PCDHGB6: variants seen among roughly 807,000 people sequenced by gnomAD.
The protein encoded by PCDHGB6 is protocadherin gamma subfamily B, 6.
Under a neutral mutation model 59.1 loss-of-function variants are expected in PCDHGB6, and 51 were observed. That is an observed-to-expected ratio of 0.86 (90% CI 0.69 to 1.09). The LOEUF is 1.09. Ranked by LOEUF, PCDHGB6 falls within the 50% of genes least tolerant of loss-of-function variation. The pLI is 0.00. For synonymous variants in PCDHGB6, 466 were observed against 495.1 expected (o/e 0.94, Z 0.78); for missense variants, 1,148 against 1,205.1 (o/e 0.95, Z 0.70).
rs1001412632 is a variant in PCDHGB6, at chr5:141,493,097, A to G, written c.2419-1710A>G. On this transcript the variant is annotated intron_variant, in intron 1 of 3. Transcript: ENST00000520790. The surrounding 1 kb of genome is among the most constrained non-coding windows in gnomAD (Gnocchi z 4.3). ...AACTCCAGGAGCTTTTATTCAAAAT[A>G]TATCAATGCCTAACTCTGCTCCTAG... Among the ~76,000 whole-genome samples, 1 of 152,224 alleles carries G rather than the reference A, an allele frequency of 6.6e-6. No homozygotes were observed. The highest frequency in any genetic ancestry group is 2.4e-5 in the African/African-American group (1 of 41,456).
In PCDHGB6 at chr5:141,485,770, T is replaced by A. The variant is rs1199757869; in HGVS notation, c.2419-9037T>A. The A allele has an allele frequency of 6.2e-7, 1 of 1,614,180 alleles. No homozygotes were observed. The highest frequency in any genetic ancestry group is 1.1e-5 in the South Asian group (1 of 91,080). On this transcript the variant is annotated intron_variant, in intron 1 of 3. Transcript: ENST00000520790. This position sits in a 1 kb window ranked among gnomAD's most constrained non-coding sequence, Gnocchi z 5.7. ...TCCCAGAGCTGCTCCTGGAGAAGCC[T>A]TTGGATCGAGAGAAGCAATCGGACT... is the stretch of plus-strand genomic sequence containing the variant.
chr5:141,472,324 G>A (rs1027842697), intron 1 of PCDHGB6, among the ~76,000 whole-genome samples: 2 of 150,650 alleles, frequency 1.3e-5, no homozygotes, highest in African/African-American at 2.4e-5. Flanking sequence ...GGCAGATCAC[G>A]AGGTTGGGAG....
chr5:141,409,139 GA>G lies in PCDHGB6; in HGVS notation c.940del (p.Arg314GlyfsTer20). The G allele has an allele frequency of 1.9e-6, 3 of 1,614,012 alleles. No homozygotes were observed. Among genetic ancestry groups the G allele is most frequent in the Non-Finnish European group, 2.5e-6 (3 of 1,179,896 alleles). On this transcript the variant is annotated frameshift_variant, in exon 1 of 4. Transcript: ENST00000520790. LOFTEE classifies it high-confidence loss of function. ...CCAGTCATTTGATTTTGAAGATGTA[GA>G]AAGGTACACCATGGAAGTGGAAGCG... The part of the protein sequence containing the change: ...NNQSFDFEDV[E>X]RYTMEVEAKD...
chr5:141,421,515 C>A, intron 1 of PCDHGB6: 3 of 1,614,080 alleles, frequency 1.9e-6, no homozygotes, highest in Non-Finnish European at 2.5e-6. Context: ...GGGAGGAGCT[C>A]TGTGAGACGG....
intron 1 of PCDHGB6, chr5:141,423,397 C>A: frequency 1.9e-6 from 3 of 1,614,146 alleles, no homozygotes; most frequent in Non-Finnish European, 2.5e-6. Context: ...GCATAAGTCA[C>A]GCCTGCTGCA....
chr5:141,413,272 C>T lies in PCDHGB6; in HGVS notation c.2418+2652C>T, dbSNP rs753942667. Reference sequence around the variant, plus strand: ...CGGGATTCCATGGGAGGCTGGAGCCCGGCAGATCTCCTACTCAATTCCTGA... The same window carrying T: ...CGGGATTCCATGGGAGGCTGGAGCCTGGCAGATCTCCTACTCAATTCCTGA... On this transcript the variant is annotated intron_variant, in intron 1 of 3. Coordinates refer to ENST00000520790, the MANE Select transcript of PCDHGB6 (RefSeq NM_018926.3). 8.1e-6 allele frequency: 13 copies of T among 1,613,944 alleles called. No individual in the cohort carries two copies. In the South Asian group the frequency reaches 1.4e-4, roughly 18 times the overall value.
At chr5:141,433,765 A>G (rs1389737053) in intron 1 of PCDHGB6, among the ~76,000 whole-genome samples, 1 of 148,692 alleles carries the variant, frequency 6.7e-6, no homozygotes, top group Non-Finnish European at 1.5e-5. Flanking sequence ...TTAACCTGGG[A>G]GGTGGAGGTT....
In PCDHGB6 at chr5:141,427,684, C is replaced by T. The variant is rs765112627; in HGVS notation, c.2418+17064C>T. 3.6e-6 allele frequency: 3 copies of T among 841,720 alleles called. No individual in the cohort carries two copies. In the Admixed American group the frequency reaches 5.8e-5, roughly 16 times the overall value. 52.1% of individuals were successfully genotyped at this position (841,720 alleles called of 1,614,324 possible). A position where few individuals can be genotyped will look rare whatever the true frequency, so the allele number is the denominator to read the frequency against. On this transcript the variant is annotated intron_variant, in intron 1 of 3. Transcript: ENST00000520790. The stretch of plus-strand genomic sequence containing the variant: ...GTGGCCGAAAACAACCTTCCCGGAG[C>T]CTCCATCCCACAAGTCAGCGCCTCT...
chr5:141,426,756 G>A, intron 1 of PCDHGB6: 1 of 456,302 alleles, frequency 2.2e-6, no homozygotes. Context: ...ATCTGCTATA[G>A]ATGCAGATGT....
intron 1 of PCDHGB6, chr5:141,424,572 T>C (rs1272121500): frequency 6.6e-6 from 1 of 152,238 alleles, no homozygotes; most frequent in East Asian, 1.9e-4. Context: ...CAAAAACCTA[T>C]TTTCAAATGT....
chr5:141,458,171 A>G (rs548935841), intron 1 of PCDHGB6, among the ~76,000 whole-genome samples: 74 of 152,336 alleles, frequency 4.9e-4, no homozygotes, highest in African/African-American at 1.6e-3. Flanking sequence ...TCACAGTAGT[A>G]TACCTTACTT....
intron 1 of PCDHGB6, among the ~76,000 whole-genome samples, chr5:141,484,092 G>A (rs1594371151): frequency 6.6e-6 from 1 of 152,102 alleles, no homozygotes; most frequent in African/African-American, 2.4e-5. Flanking sequence ...AATGGTCTTC[G>A]TTGGTAATTA....
intron 1 of PCDHGB6, chr5:141,419,094 G>A (rs1241481126): frequency 2.5e-6 from 4 of 1,613,776 alleles, no homozygotes; most frequent in South Asian, 1.1e-5. Flanking sequence ...GCCCTGGATC[G>A]GGAGCAGACC....
Position 141,511,983 on chromosome 5 carries a change from G to C in PCDHGB6, c.*810G>C, listed in dbSNP as rs904146751. On this transcript the variant is annotated 3_prime_UTR_variant, in exon 4 of 4. Coordinates refer to ENST00000520790, the MANE Select transcript of PCDHGB6 (RefSeq NM_018926.3). ...AGGGAAGTGTGTGGATGTGGATGGT[G>C]GGGGCATGGACAAAGCTTGACACAT... 6.5e-6 allele frequency: 1 copy of C among 153,280 alleles called. No individual in the cohort carries two copies. The allele number at this position is 153,280 out of a possible 1,614,324, so 9.5% of individuals were successfully genotyped here.
chr5:141,451,209 G>C (rs556588482), intron 1 of PCDHGB6, among the ~76,000 whole-genome samples: 1 of 152,266 alleles, frequency 6.6e-6, no homozygotes, highest in African/African-American at 2.4e-5. Flanking sequence ...CCAAAACTTA[G>C]TGGCTTAAAA....
intron 1 of PCDHGB6, chr5:141,413,715 G>A (rs955570292): frequency 2.5e-6 from 4 of 1,613,472 alleles, no homozygotes; most frequent in Non-Finnish European, 3.4e-6. Context: ...GCCCCAATAA[G>A]CACTTCTCCC....
intron 1 of PCDHGB6, chr5:141,468,346 AAAAG>A (rs2099164910): frequency 6.8e-6 from 1 of 147,210 alleles, no homozygotes; most frequent in South Asian, 2.2e-4. Flanking sequence ...AAAAAAAAAA[AAAAG>A]AAAGAAAAAA....
At chr5:141,475,840 A>T in intron 1 of PCDHGB6, 1 of 434,888 alleles carries the variant, frequency 2.3e-6, no homozygotes, top group Non-Finnish European at 4.1e-6. Flanking sequence ...TGTCCTGCTC[A>T]GAGAGCCCGG....
chr5:141,423,085 G>A, intron 1 of PCDHGB6: 1 of 1,614,072 alleles, frequency 6.2e-7, no homozygotes, highest in Non-Finnish European at 8.5e-7. Flanking sequence ...ACTCTTCGCG[G>A]TGGGGGAGCA....
Sources: allele counts gnomAD v4.1 joint callset (sites outside exome capture counted in the v4.1 genomes callset), GRCh38; gene constraint gnomAD v4.1.1; non-coding constraint Gnocchi (gnomAD v3.1); transcripts MANE v1.5; gene names NCBI Gene and HGNC (gene_info 2026-07-23, HGNC 2026-07-21).